The following SHISA9 variants were observed in gnomAD, a reference collection of about 807,000 sequenced individuals.
SHISA9 encodes protein shisa-9.
SHISA9 carries 13 observed loss-of-function variants against 38.0 expected under a neutral mutation model. That is an observed-to-expected ratio of 0.34 (90% CI 0.22 to 0.54). The LOEUF (loss-of-function observed/expected upper bound fraction) is 0.54. SHISA9 is among the 20% of genes least tolerant of loss of function. SHISA9 has a pLI of 0.91. For synonymous variants in SHISA9, 275 were observed against 242.0 expected (o/e 1.14, Z -1.27); for missense variants, 538 against 575.8 (o/e 0.93, Z 0.67).
the SHISA9 span, among the ~76,000 whole-genome samples, chr16:13,455,142 A>G: frequency 1.3e-5 from 2 of 152,148 alleles, no homozygotes; most frequent in Non-Finnish European, 1.5e-5. Flanking sequence ...TGTATCCAAA[A>G]TTCATTTTAT....
chr16:13,488,189 C>A, the SHISA9 span, among the ~76,000 whole-genome samples: 1 of 151,446 alleles, frequency 6.6e-6, no homozygotes, highest in Non-Finnish European at 1.5e-5. Context: ...ACCTCCCGAC[C>A]ATTCTTCCCC....
the SHISA9 span, among the ~76,000 whole-genome samples, chr16:13,387,308 G>A: frequency 6.6e-6 from 1 of 152,126 alleles, no homozygotes; most frequent in Non-Finnish European, 1.5e-5. Context: ...AGAGTAGGGT[G>A]GACCTGACAT....
At chr16:13,231,632 A>G (rs1286787314) in intron 4 of SHISA9, among the ~76,000 whole-genome samples, 17 of 152,208 alleles carry the variant, frequency 1.1e-4, no homozygotes, top group Non-Finnish European at 2.9e-5. Context: ...TATTTGCATT[A>G]CAAGGAATAT....
At chr16:13,391,009 T>A in the SHISA9 span, among the ~76,000 whole-genome samples, 3 of 151,092 alleles carry the variant, frequency 2.0e-5, no homozygotes, top group African/African-American at 7.3e-5. Context: ...GAGAAAAGAG[T>A]AAAGAAAAGG....
intron 2 of SHISA9, among the ~76,000 whole-genome samples, chr16:13,149,329 G>A (rs1459758514): frequency 3.3e-5 from 5 of 152,162 alleles, no homozygotes; most frequent in African/African-American, 1.2e-4. Context: ...AGAGGAGGGG[G>A]TATGGGGTGG....
At chr16:12,999,138 A>G (rs1312821136) in intron 2 of SHISA9, among the ~76,000 whole-genome samples, 8 of 152,280 alleles carry the variant, frequency 5.3e-5, no homozygotes, top group African/African-American at 2.4e-5. Flanking sequence ...CCTAACCTGT[A>G]TTTTCTTTAT....
intron 1 of SHISA9, chr16:12,908,530 C>T (rs72782632): frequency 0.062 from 96,810 of 1,551,920 alleles, 3,503 homozygotes; most frequent in Non-Finnish European, 0.074. Flanking sequence ...TCCAAGAGGA[C>T]GAACCTGCCC....
intron 2 of SHISA9, among the ~76,000 whole-genome samples, chr16:13,021,123 G>T (rs1317853349): frequency 6.6e-6 from 1 of 152,158 alleles, no homozygotes; most frequent in Non-Finnish European, 1.5e-5. Context: ...CTGTCTCCTT[G>T]AGTGCTAGAC....
intron 2 of SHISA9, among the ~76,000 whole-genome samples, chr16:13,003,781 C>G (rs776755435): frequency 3.9e-5 from 6 of 152,046 alleles, no homozygotes; most frequent in Non-Finnish European, 8.8e-5. Flanking sequence ...TCGCTTGAAG[C>G]CAGGAGGCGG....
chr16:13,263,654 T>C, the SHISA9 span, among the ~76,000 whole-genome samples: 4 of 152,356 alleles, frequency 2.6e-5, no homozygotes, highest in East Asian at 7.7e-4. Context: ...TCTCTGGCAT[T>C]TCTTTATAGC....
intron 2 of SHISA9, among the ~76,000 whole-genome samples, chr16:12,945,363 A>G (rs2071675212): frequency 6.6e-6 from 1 of 152,176 alleles, no homozygotes; most frequent in Non-Finnish European, 1.5e-5. Context: ...GAGAAACATG[A>G]TGAATGGGAA....
chr16:13,049,105 T>C (rs1173379449), intron 2 of SHISA9, among the ~76,000 whole-genome samples: 5 of 151,930 alleles, frequency 3.3e-5, no homozygotes, highest in African/African-American at 1.2e-4. Flanking sequence ...GCCAGGAAAT[T>C]ACTGACAGAT....
intron 2 of SHISA9, among the ~76,000 whole-genome samples, chr16:12,970,359 A>ATATACG (rs2072044338): frequency 3.7e-5 from 3 of 80,562 alleles, no homozygotes; most frequent in African/African-American, 1.4e-4. Flanking sequence ...ATGTGTATAT[A>ATATACG]TATATATATA....
chr16:13,042,281 C>T (rs2073141149), intron 2 of SHISA9, among the ~76,000 whole-genome samples: 1 of 152,178 alleles, frequency 6.6e-6, no homozygotes, highest in Admixed American at 6.5e-5. Context: ...ACCTGCCCCT[C>T]AGTAAAAGAC....
At chr16:13,513,575 T>C in the SHISA9 span, among the ~76,000 whole-genome samples, 21 of 152,286 alleles carry the variant, frequency 1.4e-4, no homozygotes, top group African/African-American at 4.8e-4. Flanking sequence ...AGCAAAGACC[T>C]GGAACCAACC....
the SHISA9 span, among the ~76,000 whole-genome samples, chr16:13,263,126 A>G: frequency 6.6e-6 from 1 of 152,174 alleles, no homozygotes; most frequent in African/African-American, 2.4e-5. Flanking sequence ...CACCTCACTC[A>G]GACCATCCCA....
chr16:13,518,629 C>CCT, the SHISA9 span, among the ~76,000 whole-genome samples: 9 of 152,118 alleles, frequency 5.9e-5, no homozygotes, highest in African/African-American at 9.7e-5. Flanking sequence ...GCTGCTTCTT[C>CCT]CTCTCTCTCC....
At chr16:12,947,838 T>C (rs1417615813) in intron 2 of SHISA9, among the ~76,000 whole-genome samples, 1 of 152,192 alleles carries the variant, frequency 6.6e-6, no homozygotes, top group African/African-American at 2.4e-5. Context: ...TTTGCAAAGA[T>C]GGGAGCAAGA....
chr16:13,240,427 A>C (rs764279015), downstream of SHISA9: 1 of 152,138 alleles, frequency 6.6e-6, no homozygotes, highest in Non-Finnish European at 1.5e-5. Context: ...GGCTGTTGGG[A>C]TTGTCATGTA....
Sources: allele counts gnomAD v4.1 joint callset (sites outside exome capture counted in the v4.1 genomes callset), GRCh38; gene constraint gnomAD v4.1.1; transcripts MANE v1.5; gene names NCBI Gene and HGNC (gene_info 2026-07-23, HGNC 2026-07-21).